DAGLA: variants seen among roughly 807,000 people sequenced by gnomAD.
DAGLA encodes the protein diacylglycerol lipase-alpha.
In DAGLA, 22 loss-of-function variants were observed where a neutral mutation model predicts 102.6. The ratio of observed to expected loss-of-function variants is 0.21; its 90% CI spans 0.15 to 0.31. The LOEUF (loss-of-function observed/expected upper bound fraction) is 0.31. Ranked by LOEUF, DAGLA falls within the 10% of genes least tolerant of loss-of-function variation. The probability of loss-of-function intolerance (pLI) is 1.00; values close to 1 mark genes in which losing one functional copy is unlikely to be tolerated. For synonymous variants in DAGLA, 578 were observed against 628.9 expected (o/e 0.92, Z 1.21); for missense variants, 927 against 1,446.6 (o/e 0.64, Z 5.83).
chr11:61,721,475 C>T (rs1347602971), intron 3 of DAGLA, among the ~76,000 whole-genome samples: 2 of 152,218 alleles, frequency 1.3e-5, no homozygotes, highest in Non-Finnish European at 2.9e-5. Context: ...CTACAGCAGC[C>T]GAGTTGAGTA....
chr11:61,692,040 C>T (rs1276704548), intron 1 of DAGLA, among the ~76,000 whole-genome samples: 2 of 152,190 alleles, frequency 1.3e-5, no homozygotes, highest in African/African-American at 4.8e-5. Context: ...TCTAACAACT[C>T]CCAATAATGC....
At chr11:61,717,477 G>T (rs1591039206) in intron 1 of DAGLA, among the ~76,000 whole-genome samples, 2 of 152,136 alleles carry the variant, frequency 1.3e-5, no homozygotes, top group Admixed American at 6.5e-5. Flanking sequence ...CGCCTCGCCC[G>T]CCCCAGCTAA....
chr11:61,737,826 C>T, intron 15 of DAGLA, 71 bp downstream of exon 15: 1 of 1,294,950 alleles, frequency 7.7e-7, no homozygotes, highest in Admixed American at 1.7e-5. Flanking sequence ...CTCCCCACCC[C>T]CAGCCCCCGC....
At chr11:61,731,732 T>C (rs2065377199) in intron 9 of DAGLA, among the ~76,000 whole-genome samples, 1 of 152,166 alleles carries the variant, frequency 6.6e-6, no homozygotes, top group Non-Finnish European at 1.5e-5. Flanking sequence ...TGTTGATACA[T>C]ACCTCGTGGA....
At chr11:61,736,124 G>A (rs567535929) in intron 12 of DAGLA, 146 bp from the exon 13 acceptor site, 12 of 672,698 alleles carry the variant, frequency 1.8e-5, no homozygotes, top group South Asian at 7.2e-5. Flanking sequence ...CAGGATCAGC[G>A]TGTCTGCCAG....
chr11:61,706,489 A>G (rs1409821077), intron 1 of DAGLA, among the ~76,000 whole-genome samples: 3 of 151,952 alleles, frequency 2.0e-5, no homozygotes, highest in Non-Finnish European at 4.4e-5. Flanking sequence ...CTGCTGGCCG[A>G]GGGCCCTGCT....
chr11:61,687,678 G>A lies in DAGLA; in HGVS notation c.-45+7174G>A, dbSNP rs187295875. 3.3e-5 allele frequency among the ~76,000 whole-genome samples: 5 copies of A among 152,272 alleles called. No individual in the cohort carries two copies. In the East Asian group the frequency reaches 7.7e-4, roughly 24 times the overall value. The stretch of plus-strand genomic sequence containing the variant: ...ACTCTCTTATCTGAATAGCGCTGGC[G>A]CCCCTCAGAGAGAGCATGTGTGTTC... On this transcript the variant is annotated intron_variant, in intron 1 of 19. Transcript: ENST00000257215.
In DAGLA at chr11:61,744,257, C is replaced by T. The variant is rs1051024852; in HGVS notation, c.2897C>T (p.Pro966Leu). ...QEILLRAQFE[P>L]NLVPKPPRLF... is the part of the protein sequence containing the mutation. ...ATCCTGCTCCGTGCCCAGTTCGAGC[C>T]CAACCTGGTGCCCAAGCCCCCACGG... Residue 966 changes from proline (P) to leucine (L), a missense_variant, in exon 20 of 20, where the codon CCC becomes CTC. Physicochemically the swap from Pro to Leu is moderately conservative, Grantham distance 98 (BLOSUM62 -3). Around this residue, in one of 4 missense-constraint regions of DAGLA, gnomAD observed 434 missense variants for 503.3 expected, o/e 0.86. Transcript: ENST00000257215. 6.2e-7 allele frequency: 1 copy of T among 1,613,058 alleles called. No individual in the cohort carries two copies. The highest frequency in any genetic ancestry group is 8.5e-7 in the Non-Finnish European group (1 of 1,179,984).
In DAGLA at chr11:61,743,612, G is replaced by A. The variant is rs758201065; in HGVS notation, c.2252G>A (p.Arg751His). ...LLSPVVAAAA[R>H]QDPVELLLLS... ...TCGCCAGTGGTTGCGGCGGCGGCCCGCCAGGACCCGGTGGAGCTGCTGCTG... is the reference window on the plus strand; with the variant it reads ...TCGCCAGTGGTTGCGGCGGCGGCCCACCAGGACCCGGTGGAGCTGCTGCTG... The change falls in exon 20 of 20, where the codon CGC (arginine) becomes CAC (histidine). Residue 751 changes from arginine (R) to histidine (H), a missense_variant. Transcript: ENST00000257215. The A allele has an allele frequency of 1.5e-5, 24 of 1,583,502 alleles. No homozygotes were observed. The highest frequency in any genetic ancestry group is 2.3e-5 in the South Asian group (2 of 87,902).
chr11:61,720,787 C>T lies in DAGLA; in HGVS notation c.204C>T (p.Ser68=), dbSNP rs745876087. Residue 68 remains serine, a synonymous_variant, in exon 3 of 20, where the codon AGC becomes AGT. Coordinates refer to ENST00000257215, the MANE Select transcript of DAGLA (RefSeq NM_006133.3). The stretch of plus-strand genomic sequence containing the variant: ...GCGGCTACCTGGGCATCCTGCTGAG[C>T]TGCATGATCGCTGAGATGGCCATCA... ...HGRGYLGILL[S]CMIAEMAIIW... is the part of the protein sequence containing the mutation. 5.6e-6 allele frequency: 9 copies of T among 1,613,922 alleles called. No individual in the cohort carries two copies. In the South Asian group the frequency reaches 9.9e-5, roughly 18 times the overall value.
rs2065348214 is a variant in DAGLA, at chr11:61,728,394, C to G, written c.771+107C>G. ...GAGGGCTCGGCTCCCACGCAGCTCC[C>G]CAGTGACCACGCACTCTCTTGGACC... On this transcript the variant is annotated intron_variant, in intron 7 of 19. Transcript: ENST00000257215. 16 of 1,392,694 alleles carry G rather than the reference C, an allele frequency of 1.1e-5. No individual in the cohort carries two copies. In the Admixed American group the frequency reaches 2.7e-4, roughly 23 times the overall value. 86.3% of individuals were successfully genotyped at this position (1,392,694 alleles called of 1,614,324 possible).
At position 61,734,824 on chromosome 11, in the gene DAGLA, G is replaced by C; in HGVS notation, c.975-25G>C. 6.2e-7 allele frequency: 1 copy of C among 1,602,868 alleles called. No homozygotes were observed. The highest frequency in any genetic ancestry group is 1.3e-5 in the African/African-American group (1 of 74,860). ...GTTCCCTCGGGGACTCCCTGGCCCT[G>C]AACTCTCTTGTCACCCCACCCTAGG... On this transcript the variant is annotated intron_variant, in intron 9 of 19. Transcript: ENST00000257215. The surrounding 1 kb of genome is among the most constrained non-coding windows in gnomAD (Gnocchi z 4.2).
At chr11:61,706,502 T>G (rs1490853564) in intron 1 of DAGLA, among the ~76,000 whole-genome samples, 1 of 152,054 alleles carries the variant, frequency 6.6e-6, no homozygotes, top group Non-Finnish European at 1.5e-5. Flanking sequence ...GCCCTGCTCG[T>G]GGTTGGGGGT....
chr11:61,714,399 G>C (rs2065219814), intron 1 of DAGLA, among the ~76,000 whole-genome samples: 1 of 152,246 alleles, frequency 6.6e-6, no homozygotes, highest in Non-Finnish European at 1.5e-5. Context: ...CTCCACCGCT[G>C]GAGGCAGGAG....
intron 9 of DAGLA, among the ~76,000 whole-genome samples, chr11:61,732,332 C>T (rs1404088421): frequency 6.6e-6 from 1 of 152,222 alleles, no homozygotes; most frequent in East Asian, 1.9e-4. Context: ...CTCACCATCC[C>T]TCCAGCGACT....
chr11:61,739,024 G>A (rs2065452010), intron 16 of DAGLA, among the ~76,000 whole-genome samples: 1 of 152,338 alleles, frequency 6.6e-6, no homozygotes, highest in South Asian at 2.1e-4. Context: ...TGGGGAGGTG[G>A]AACTGCTCCC....
rs1343952327 is a variant in DAGLA, at chr11:61,746,939, ATATCTG to A, written c.*2454_*2459del. ...AATTAATATAGCTTATTCTATAAAT[ATATCTG>A]TATATAAAGGTTTCTGTATATTGTA... On this transcript the variant is annotated 3_prime_UTR_variant, in exon 20 of 20. Coordinates refer to ENST00000257215, the MANE Select transcript of DAGLA (RefSeq NM_006133.3). The A allele has an allele frequency of 6.6e-6, 1 of 152,494 alleles. No homozygotes were observed. Among genetic ancestry groups the A allele is most frequent in the Non-Finnish European group, 1.5e-5 (1 of 68,052 alleles). 9.4% of individuals were successfully genotyped at this position (152,494 alleles called of 1,614,324 possible). A position where few individuals can be genotyped will look rare whatever the true frequency, so the allele number is the denominator to read the frequency against.
At chr11:61,705,968 C>T (rs2065145963) in intron 1 of DAGLA, among the ~76,000 whole-genome samples, 1 of 152,220 alleles carries the variant, frequency 6.6e-6, no homozygotes, top group African/African-American at 2.4e-5. Flanking sequence ...CCTGGGCCAG[C>T]CCAGCCTGGG....
chr11:61,727,806 G>A (rs1217581974), intron 6 of DAGLA, among the ~76,000 whole-genome samples: 1 of 152,214 alleles, frequency 6.6e-6, no homozygotes, highest in Non-Finnish European at 1.5e-5. Flanking sequence ...GAGGAGAAAT[G>A]AGCCAGAGCC....
Sources: allele counts gnomAD v4.1 joint callset (sites outside exome capture counted in the v4.1 genomes callset), GRCh38; gene constraint gnomAD v4.1.1; regional missense constraint gnomAD v4.1.1; non-coding constraint Gnocchi (gnomAD v3.1); transcripts MANE v1.5; gene names NCBI Gene and HGNC (gene_info 2026-07-23, HGNC 2026-07-21).